Variants in FAM227B observed in about 807,000 individuals in gnomAD.
FAM227B encodes the protein family with sequence similarity 227 member B, also known as protein FAM227B.
Under a neutral mutation model 73.8 loss-of-function variants are expected in FAM227B, and 88 were observed. The observed-to-expected ratio is 1.19, with a 90% confidence interval of 1.00 to 1.42. FAM227B has a LOEUF of 1.42. Ranked by LOEUF, FAM227B falls within the 40% of genes most tolerant of loss-of-function variation. FAM227B has a pLI of 0.00. For missense variants in FAM227B, 632 were observed against 590.9 expected (o/e 1.07, Z -0.72); for synonymous variants, 210 against 190.5 (o/e 1.10, Z -0.84).
intron 11 of FAM227B, chr15:49,396,147 T>TGC: frequency 2.8e-6 from 1 of 362,506 alleles, no homozygotes; most frequent in South Asian, 2.0e-5. Context: ...GCTCACCGTG[T>TGC]GCGAGCCGAA....
chr15:49,519,365 G>A (rs1003323901), intron 10 of FAM227B, among the ~76,000 whole-genome samples: 2 of 152,138 alleles, frequency 1.3e-5, no homozygotes, highest in African/African-American at 4.8e-5. Flanking sequence ...TACCCCCGTG[G>A]GGACTCTATG....
intron 11 of FAM227B, among the ~76,000 whole-genome samples, chr15:49,395,256 T>G (rs2047497416): frequency 6.6e-6 from 1 of 151,868 alleles, no homozygotes; most frequent in Non-Finnish European, 1.5e-5. Context: ...GGTTTTAAGG[T>G]TTTTTTTGTA....
chr15:49,553,890 C>G (rs368762244), intron 9 of FAM227B, among the ~76,000 whole-genome samples: 36 of 152,302 alleles, frequency 2.4e-4, no homozygotes, highest in African/African-American at 8.4e-4. Flanking sequence ...ATGCTCTCCC[C>G]ACCTGTGGCC....
chr15:49,328,239 T>A lies in FAM227B; in HGVS notation c.*329A>T, dbSNP rs1239243591. On this transcript the variant is annotated 3_prime_UTR_variant, in exon 16 of 16. Coordinates refer to ENST00000299338, the MANE Select transcript of FAM227B (RefSeq NM_152647.3). ...CTTTCTGTGCCACAGTAAATTAATC[T>A]TCCTTCTGTTTTGTATTATGATGAA... 4 of 1,500,354 alleles carry A rather than the reference T, an allele frequency of 2.7e-6. No individual in the cohort carries two copies. The African/African-American group carries it at 4.2e-5, about 16-fold the overall frequency. The allele number at this position is 1,500,354 out of a possible 1,614,324, so 92.9% of individuals were successfully genotyped here.
intron 9 of FAM227B, among the ~76,000 whole-genome samples, chr15:49,565,955 T>C (rs958038039): frequency 6.6e-6 from 1 of 152,194 alleles, no homozygotes; most frequent in Admixed American, 6.5e-5. Flanking sequence ...AGGCAAGGAA[T>C]AGATTCTCCT....
At chr15:49,362,083 T>G (rs2044338539) in intron 13 of FAM227B, among the ~76,000 whole-genome samples, 1 of 152,116 alleles carries the variant, frequency 6.6e-6, no homozygotes, top group South Asian at 2.1e-4. Context: ...GCCCACTTCT[T>G]AATGGGTTTG....
intron 11 of FAM227B, among the ~76,000 whole-genome samples, chr15:49,489,821 TTTA>T (rs2056782451): frequency 1.1e-4 from 3 of 27,942 alleles, no homozygotes; most frequent in Non-Finnish European, 2.0e-4. Context: ...ATATATATAT[TTTA>T]TATATATATA....
rs368419461 is a variant in FAM227B at position 49,406,541 on chromosome 15, C to T, written c.1013-35142G>A. Among the ~76,000 whole-genome samples, 4 of 151,322 alleles carry T rather than the reference C, an allele frequency of 2.6e-5. No homozygotes were observed. In the East Asian group the frequency reaches 7.9e-4, roughly 30 times the overall value. ...TGTTCTCCATGCTTAGCTTCACTCC[C>T]ACAGCAGCAGCTTTGGCGGGAGGGT... is the stretch of plus-strand genomic sequence containing the variant. On this transcript the variant is annotated intron_variant, in intron 11 of 15. Coordinates refer to ENST00000299338, the MANE Select transcript of FAM227B (RefSeq NM_152647.3).
intron 13 of FAM227B, chr15:49,366,734 G>C (rs1290767219): frequency 1.0e-6 from 1 of 968,662 alleles, no homozygotes; most frequent in East Asian, 2.6e-5. Context: ...CACTAGGTGG[G>C]GTAGGCTGGG....
intron 13 of FAM227B, among the ~76,000 whole-genome samples, chr15:49,355,589 G>A (rs2043017559): frequency 1.3e-5 from 2 of 152,194 alleles, no homozygotes; most frequent in African/African-American, 2.4e-5. Context: ...ATGGGGCTAT[G>A]TGAAAAGACC....
intron 11 of FAM227B, among the ~76,000 whole-genome samples, chr15:49,463,715 C>T (rs1215136362): frequency 6.6e-6 from 1 of 152,180 alleles, no homozygotes; most frequent in Non-Finnish European, 1.5e-5. Flanking sequence ...CTGTGCCTTT[C>T]TCACACAGTT....
chr15:49,543,200 T>G (rs1274182352), intron 9 of FAM227B, among the ~76,000 whole-genome samples: 1 of 152,186 alleles, frequency 6.6e-6, no homozygotes, highest in Non-Finnish European at 1.5e-5. Context: ...TTATGGTAAT[T>G]CTTGCAGGAG....
At chr15:49,387,204 C>T (rs927095921) in intron 11 of FAM227B, among the ~76,000 whole-genome samples, 6 of 151,232 alleles carry the variant, frequency 4.0e-5, no homozygotes, top group Non-Finnish European at 5.9e-5. Context: ...AGAAAACTAC[C>T]GATCAATTTT....
At chr15:49,568,082 G>C (rs1477200962) in intron 9 of FAM227B, among the ~76,000 whole-genome samples, 163 bp downstream of exon 9, 1 of 151,760 alleles carries the variant, frequency 6.6e-6, no homozygotes. Flanking sequence ...TATTTTGAGG[G>C]GTTAATAAGA....
At chr15:49,491,457 T>A (rs1042566900) in intron 11 of FAM227B, among the ~76,000 whole-genome samples, 4 of 151,782 alleles carry the variant, frequency 2.6e-5, no homozygotes, top group Non-Finnish European at 5.9e-5. Context: ...CACCTAGTAG[T>A]TTCTTTAGTC....
intron 1 of FAM227B, among the ~76,000 whole-genome samples, chr15:49,616,783 C>T (rs778691655): frequency 2.6e-5 from 4 of 152,106 alleles, no homozygotes; most frequent in Non-Finnish European, 4.4e-5. Context: ...AATTATCTTT[C>T]AAGAAAAATT....
intron 11 of FAM227B, among the ~76,000 whole-genome samples, chr15:49,496,311 A>G (rs1037010071): frequency 2.6e-5 from 4 of 152,318 alleles, no homozygotes; most frequent in Admixed American, 2.6e-4. Context: ...TATAAAAAGA[A>G]TGAGACTTGT....
At chr15:49,519,687 G>A (rs556425703) in intron 10 of FAM227B, among the ~76,000 whole-genome samples, 232 of 152,262 alleles carry the variant, frequency 1.5e-3, no homozygotes, top group African/African-American at 5.3e-3. Context: ...GCAAGGCCCT[G>A]GACCCAGCCC....
At chr15:49,354,770 C>T (rs2042834140) in intron 13 of FAM227B, among the ~76,000 whole-genome samples, 1 of 152,012 alleles carries the variant, frequency 6.6e-6, no homozygotes, top group Non-Finnish European at 1.5e-5. Context: ...CCTCTGTAGG[C>T]TCCACCTCTG....
Sources: allele counts gnomAD v4.1 joint callset (sites outside exome capture counted in the v4.1 genomes callset), GRCh38; gene constraint gnomAD v4.1.1; transcripts MANE v1.5; gene names NCBI Gene and HGNC (gene_info 2026-07-23, HGNC 2026-07-21).